EDA: variants seen among roughly 807,000 people sequenced by gnomAD.
EDA encodes the protein ectodysplasin-A.
EDA carries 2 observed loss-of-function variants against 23.6 expected under a neutral mutation model. That is an observed-to-expected ratio of 0.08 (90% CI 0.03 to 0.27). EDA has a LOEUF of 0.27. Among genes scored for constraint, EDA ranks in the 10% least tolerant of loss-of-function variants. The pLI is 1.00. For synonymous variants in EDA, 131 were observed against 132.0 expected (o/e 0.99, Z 0.05); for missense variants, 229 against 324.2 (o/e 0.71, Z 2.26).
intron 1 of EDA, among the ~76,000 whole-genome samples, chrX:69,676,071 A>C (rs766614176): frequency 2.7e-5 from 3 of 111,378 alleles, no homozygotes; most frequent in African/African-American, 9.8e-5. Context: ...AATGAGTAAA[A>C]GGAAGAGTAA....
intron 1 of EDA, among the ~76,000 whole-genome samples, chrX:69,901,740 T>A (rs1252700281): frequency 9.0e-6 from 1 of 111,730 alleles, no homozygotes; most frequent in Admixed American, 9.5e-5. Flanking sequence ...TAAGGTGGAA[T>A]TGACCACAGT....
intron 2 of EDA, among the ~76,000 whole-genome samples, chrX:70,018,304 G>T (rs5936822): frequency 9.0e-6 from 1 of 110,514 alleles, no homozygotes; most frequent in Non-Finnish European, 1.9e-5. Context: ...CAATGCTATT[G>T]TTATCAAACT....
chrX:69,882,175 G>T (rs1437649410), intron 1 of EDA, among the ~76,000 whole-genome samples: 2 of 111,519 alleles, frequency 1.8e-5, no homozygotes, highest in East Asian at 5.6e-4. Context: ...ATACCATTAG[G>T]AGTTCTCTTA....
At position 69,696,231 on chromosome X, in the gene EDA, C is replaced by T. The variant is rs964896576; in HGVS notation, c.396+79527C>T. Among the ~76,000 whole-genome samples the T allele has an allele frequency of 4.3e-5, 4 of 93,096 alleles. 1 individual carries two copies. Among genetic ancestry groups the T allele is most frequent in the African/African-American group, 7.2e-5 (2 of 27,798 alleles). 80.8% of individuals were successfully genotyped at this position (93,096 alleles called of 115,157 possible). On this transcript the variant is annotated intron_variant, in intron 1 of 7. Coordinates refer to ENST00000374552, the MANE Select transcript of EDA (RefSeq NM_001399.5). ...TCCAGCCTGGGCAATAAGAGCAAAA[C>T]TCTGTCTCAAAAAAAAAAAAACGTG...
chrX:69,758,488 A>G lies in EDA; in HGVS notation c.396+141784A>G, dbSNP rs775364457. 4.5e-5 allele frequency among the ~76,000 whole-genome samples: 5 copies of G among 112,230 alleles called. No individual in the cohort carries two copies. In the South Asian group the frequency reaches 1.9e-3, roughly 42 times the overall value. ...CCCTGATTTGGGCTGCCCTGGGAACATTTATATTCAGCAAACATTTTTTGA... is the reference window on the plus strand; with the variant it reads ...CCCTGATTTGGGCTGCCCTGGGAACGTTTATATTCAGCAAACATTTTTTGA... On this transcript the variant is annotated intron_variant, in intron 1 of 7. Coordinates refer to ENST00000374552, the MANE Select transcript of EDA (RefSeq NM_001399.5).
intron 1 of EDA, among the ~76,000 whole-genome samples, chrX:69,765,676 T>G (rs1478247320): frequency 8.9e-6 from 1 of 112,119 alleles, no homozygotes; most frequent in Non-Finnish European, 1.9e-5. Flanking sequence ...TCTTGTACCC[T>G]TCATTCAGTT....
intron 1 of EDA, among the ~76,000 whole-genome samples, chrX:69,909,410 C>T (rs759424389): frequency 3.4e-4 from 38 of 111,975 alleles, no homozygotes; most frequent in East Asian, 1.1e-3. Flanking sequence ...AAGGGATTCT[C>T]GTGTCTCAGC....
At chrX:70,013,881 T>C (rs979398553) in intron 2 of EDA, among the ~76,000 whole-genome samples, 1 of 112,261 alleles carries the variant, frequency 8.9e-6, no homozygotes, top group Non-Finnish European at 1.9e-5. Flanking sequence ...GGCCAGTCTG[T>C]CTTCCCCTAC....
intron 1 of EDA, among the ~76,000 whole-genome samples, chrX:69,720,581 C>T (rs2012544701): frequency 9.0e-6 from 1 of 111,705 alleles, no homozygotes; most frequent in South Asian, 3.7e-4. Context: ...GGGTGAATTC[C>T]ACTGTGTTCT....
intron 1 of EDA, among the ~76,000 whole-genome samples, chrX:69,697,824 A>G (rs1172882019): frequency 8.9e-6 from 1 of 112,126 alleles, no homozygotes; most frequent in African/African-American, 3.2e-5. Context: ...TGATGTTTGA[A>G]GCAATTTCTA....
At chrX:69,903,596 A>AACACAC (rs200847087) in intron 1 of EDA, among the ~76,000 whole-genome samples, 50 of 102,209 alleles carry the variant, frequency 4.9e-4, no homozygotes, top group Middle Eastern at 0.01. Context: ...CACACACATA[A>AACACAC]ACACACACAC....
At chrX:69,891,299 C>T (rs992663377) in intron 1 of EDA, among the ~76,000 whole-genome samples, 4 of 111,616 alleles carry the variant, frequency 3.6e-5, no homozygotes, top group African/African-American at 9.8e-5. Context: ...TGTAAATTAG[C>T]TCAACCATTA....
intron 1 of EDA, among the ~76,000 whole-genome samples, chrX:69,726,511 TATC>T (rs1458935950): frequency 8.9e-6 from 1 of 112,653 alleles, no homozygotes; most frequent in East Asian, 2.8e-4. Context: ...AGGAAGATAA[TATC>T]ATCCAGTGCT....
chrX:69,958,946 G>A (rs769666737), intron 2 of EDA, among the ~76,000 whole-genome samples: 2 of 110,980 alleles, frequency 1.8e-5, no homozygotes, highest in Admixed American at 1.9e-4. Flanking sequence ...TAGTGGGCGT[G>A]GTCTTCCCTC....
chrX:69,823,487 A>G (rs1360383311), intron 1 of EDA, among the ~76,000 whole-genome samples: 1 of 81,931 alleles, frequency 1.2e-5, no homozygotes, highest in Non-Finnish European at 2.3e-5. Flanking sequence ...TGGCTGCATA[A>G]ATGTCTTCTT....
intron 1 of EDA, among the ~76,000 whole-genome samples, chrX:69,790,352 A>G (rs1322768609): frequency 9.1e-6 from 1 of 110,197 alleles, no homozygotes; most frequent in Non-Finnish European, 1.9e-5. Context: ...AAATTTGGAG[A>G]AAAGGAAGGG....
chrX:69,653,419 A>G (rs1933170812), intron 1 of EDA, among the ~76,000 whole-genome samples: 1 of 111,429 alleles, frequency 9.0e-6, no homozygotes, highest in African/African-American at 3.3e-5. Flanking sequence ...TGTCATCTGC[A>G]AACAGGGACA....
intron 2 of EDA, among the ~76,000 whole-genome samples, chrX:70,000,397 G>C (rs1246423636): frequency 8.9e-6 from 1 of 112,416 alleles, no homozygotes; most frequent in African/African-American, 3.2e-5. Flanking sequence ...TCTGTTTGTA[G>C]TACAAATATG....
chrX:70,021,029 G>A (rs1231523425), intron 2 of EDA, among the ~76,000 whole-genome samples: 1 of 112,004 alleles, frequency 8.9e-6, no homozygotes, highest in African/African-American at 3.2e-5. Flanking sequence ...AATAATAGAA[G>A]CTTAAAAAGA....
Sources: gnomAD v4.1 joint callset for allele counts (sites outside exome capture counted in the v4.1 genomes callset) on GRCh38, gnomAD v4.1.1 for gene constraint, MANE v1.5 for transcripts, NCBI Gene and HGNC (gene_info 2026-07-23, HGNC 2026-07-21) for gene names.